MAF: variants seen among roughly 807,000 people sequenced by gnomAD.
MAF encodes transcription factor Maf.
Under a neutral mutation model 22.0 loss-of-function variants are expected in MAF, and 10 were observed. The observed-to-expected ratio is 0.45, with a 90% CI of 0.28 to 0.77. The LOEUF is 0.77. Ranked by LOEUF, MAF falls within the 30% of genes least tolerant of loss-of-function variation. The pLI is 0.12. For synonymous variants in MAF, 337 were observed against 255.8 expected (o/e 1.32, Z -3.03); for missense variants, 544 against 548.4 (o/e 0.99, Z 0.08).
the MAF span, among the ~76,000 whole-genome samples, chr16:79,383,577 C>T: frequency 6.6e-6 from 1 of 152,186 alleles, no homozygotes; most frequent in Admixed American, 6.5e-5. Context: ...TCTCAAGAAG[C>T]CATGTGACGC....
At chr16:79,526,671 C>CA in the MAF span, among the ~76,000 whole-genome samples, 4 of 152,232 alleles carry the variant, frequency 2.6e-5, no homozygotes, top group East Asian at 5.8e-4. Flanking sequence ...ACAACAACAA[C>CA]AAAAAACAAA....
At chr16:79,275,077 C>T in the MAF span, among the ~76,000 whole-genome samples, 7 of 152,186 alleles carry the variant, frequency 4.6e-5, no homozygotes, top group Middle Eastern at 3.4e-3. Flanking sequence ...TAATAGAGGC[C>T]GGGTGTGGTG....
At chr16:79,591,723 GA>G (rs1913200915), downstream of MAF, among the ~76,000 whole-genome samples, 1 of 152,116 alleles carries the variant, frequency 6.6e-6, no homozygotes, top group Non-Finnish European at 1.5e-5. Flanking sequence ...CAGACTTACG[GA>G]AAACACACAG....
chr16:79,209,971 T>C, the MAF span, among the ~76,000 whole-genome samples: 1 of 152,192 alleles, frequency 6.6e-6, no homozygotes, highest in Admixed American at 6.5e-5. Context: ...TATCTGGCTA[T>C]TTGGAGTGGG....
chr16:79,237,287 G>A, the MAF span, among the ~76,000 whole-genome samples: 2 of 152,086 alleles, frequency 1.3e-5, no homozygotes, highest in Non-Finnish European at 2.9e-5. Flanking sequence ...TAAATCCCGG[G>A]CACCATTAAC....
the MAF span, among the ~76,000 whole-genome samples, chr16:79,308,965 A>G: frequency 6.6e-6 from 1 of 152,214 alleles, no homozygotes; most frequent in Non-Finnish European, 1.5e-5. Context: ...AGTAACATAG[A>G]TGAAGTTACT....
At chr16:79,213,629 C>A in the MAF span, among the ~76,000 whole-genome samples, 1 of 152,152 alleles carries the variant, frequency 6.6e-6, no homozygotes, top group Admixed American at 6.5e-5. Flanking sequence ...GGAACGGCTC[C>A]TGGGCTAGCC....
chr16:79,375,168 T>C, the MAF span, among the ~76,000 whole-genome samples: 3 of 152,214 alleles, frequency 2.0e-5, no homozygotes, highest in African/African-American at 4.8e-5. Flanking sequence ...TGGATGGCTA[T>C]TTTCAGAAGA....
At chr16:79,304,496 G>C in the MAF span, among the ~76,000 whole-genome samples, 1 of 151,870 alleles carries the variant, frequency 6.6e-6, no homozygotes, top group Admixed American at 6.6e-5. Context: ...ATTAATTTTT[G>C]TTTTGTTTTA....
chr16:79,430,229 A>G, the MAF span, among the ~76,000 whole-genome samples: 1 of 152,226 alleles, frequency 6.6e-6, no homozygotes. Context: ...TAACATCTGC[A>G]TAATTTACTA....
chr16:79,550,740 T>C, the MAF span, among the ~76,000 whole-genome samples: 2 of 151,950 alleles, frequency 1.3e-5, no homozygotes, highest in Non-Finnish European at 2.9e-5. Context: ...TTGCACCATC[T>C]AATCTGTGGC....
chr16:79,433,880 G>C, the MAF span, among the ~76,000 whole-genome samples: 5 of 152,176 alleles, frequency 3.3e-5, no homozygotes, highest in African/African-American at 9.7e-5. Flanking sequence ...TGGTCCCCTC[G>C]CACTCCTACA....
chr16:79,503,641 A>G, the MAF span, among the ~76,000 whole-genome samples: 1 of 152,166 alleles, frequency 6.6e-6, no homozygotes, highest in Non-Finnish European at 1.5e-5. Flanking sequence ...ATCTTTGCCT[A>G]CAGAGGAACT....
chr16:79,392,209 G>A, the MAF span, among the ~76,000 whole-genome samples: 2 of 147,416 alleles, frequency 1.4e-5, no homozygotes, highest in South Asian at 2.2e-4. Context: ...AGAAGAGAGA[G>A]GAGAAAGAAA....
the MAF span, among the ~76,000 whole-genome samples, chr16:79,368,940 C>T: frequency 1.3e-5 from 2 of 152,074 alleles, no homozygotes; most frequent in East Asian, 1.9e-4. Context: ...TTTTATATAC[C>T]ATAAGTTGTT....
the MAF span, among the ~76,000 whole-genome samples, chr16:79,394,818 T>C: frequency 6.6e-6 from 1 of 152,106 alleles, no homozygotes; most frequent in African/African-American, 2.4e-5. Flanking sequence ...GTGATTCTCA[T>C]TTGCAGCTGA....
chr16:79,210,220 C>A, the MAF span, among the ~76,000 whole-genome samples: 46 of 152,342 alleles, frequency 3.0e-4, no homozygotes, highest in South Asian at 3.1e-3. Flanking sequence ...TATCCTGACA[C>A]TGAAGAAGCT....
chr16:79,472,647 G>T, the MAF span, among the ~76,000 whole-genome samples: 1 of 151,942 alleles, frequency 6.6e-6, no homozygotes, highest in Non-Finnish European at 1.5e-5. Context: ...ACTGTTCATG[G>T]GTATGGAGTT....
the MAF span, among the ~76,000 whole-genome samples, chr16:79,354,283 C>T: frequency 6.6e-6 from 1 of 152,164 alleles, no homozygotes; most frequent in South Asian, 2.1e-4. Flanking sequence ...TGAGCCATGG[C>T]ACCTGGCCAC....
Sources: allele counts gnomAD v4.1 joint callset (sites outside exome capture counted in the v4.1 genomes callset), GRCh38; gene constraint gnomAD v4.1.1; transcripts MANE v1.5; gene names NCBI Gene and HGNC (gene_info 2026-07-23, HGNC 2026-07-21).